Variants in ERVFRD-1 observed in about 807,000 individuals in gnomAD.
ERVFRD-1 encodes the protein endogenous retrovirus group FRD member 1, envelope.
In ERVFRD-1, 33 loss-of-function variants were observed where a neutral mutation model predicts 43.8. The ratio of observed to expected loss-of-function variants is 0.75; its 90% CI spans 0.57 to 1.01. ERVFRD-1 has a LOEUF of 1.01. Ranked by LOEUF, ERVFRD-1 falls within the 50% of genes least tolerant of loss-of-function variation. ERVFRD-1 has a pLI of 0.00. For missense variants in ERVFRD-1, 568 were observed against 658.4 expected, an observed-to-expected ratio of 0.86 and a Z score of 1.50; for synonymous variants, 239 against 244.4, an observed-to-expected ratio of 0.98 and a Z score of 0.21.
In ERVFRD-1 at chr6:11,104,600, A is replaced by G; in HGVS notation, c.711T>C (p.Leu237=). The part of the protein sequence containing the change: ...WVLLDQTRNS[L]FWENKTKGAN... ...CTCCCTTGGTTTTATTTTCCCAAAA[A>G]AGAGAATTTCGAGTTTGGTCCAATA... The change falls in exon 2 of 2, where the codon CTT becomes CTC. Residue 237 remains leucine (L), a synonymous_variant. Coordinates refer to ENST00000472091, the MANE Select transcript of ERVFRD-1 (RefSeq NM_207582.3). 1 of 1,614,104 alleles carries G rather than the reference A, an allele frequency of 6.2e-7. No individual in the cohort carries two copies. Among genetic ancestry groups the G allele is most frequent in the South Asian group, 1.1e-5 (1 of 91,072 alleles).
rs1444416112 is a variant in ERVFRD-1 at position 11,103,579 on chromosome 6, T to A, written c.*115A>T. ...GTGGGTCTTGGCCTCTTGCTAGCTG[T>A]CAGGGCAGGATGGCTCTGTGGATTG... On this transcript the variant is annotated 3_prime_UTR_variant, in exon 2 of 2. Transcript: ENST00000472091. The A allele has an allele frequency of 6.4e-6, 9 of 1,417,318 alleles. No individual in the cohort carries two copies. The highest frequency in any genetic ancestry group is 8.3e-6 in the Non-Finnish European group (9 of 1,081,538). The allele number at this position is 1,417,318 out of a possible 1,614,324, so 87.8% of individuals were successfully genotyped here. A position where few individuals can be genotyped will look rare whatever the true frequency, so the allele number is the denominator to read the frequency against.
chr6:11,104,107 T>C lies in ERVFRD-1; in HGVS notation c.1204A>G (p.Met402Val). ...IDTMAKALTT[M>V]QEQIDSLAAV... Reference sequence around the variant, plus strand: ...GCTAAAGAGTCGATTTGTTCTTGCATGGTCGTTAAGGCTTTAGCCATGGTG... The same window carrying C: ...GCTAAAGAGTCGATTTGTTCTTGCACGGTCGTTAAGGCTTTAGCCATGGTG... Residue 402 changes from methionine (M) to valine (V), a missense_variant, in exon 2 of 2, where the codon ATG becomes GTG. Coordinates refer to ENST00000472091, the MANE Select transcript of ERVFRD-1 (RefSeq NM_207582.3). 6.4e-7 allele frequency: 1 copy of C among 1,551,690 alleles called. No homozygotes were observed. Among genetic ancestry groups the C allele is most frequent in the South Asian group, 1.2e-5 (1 of 84,060 alleles).
chr6:11,108,171 C>T (rs989156004), intron 1 of ERVFRD-1, among the ~76,000 whole-genome samples: 4 of 152,162 alleles, frequency 2.6e-5, no homozygotes, highest in African/African-American at 9.7e-5. Context: ...CGGTTTTCCC[C>T]CAGAGACAGC....
chr6:11,105,604 A>C lies in ERVFRD-1; in HGVS notation c.-294T>G. The C allele has an allele frequency of 5.5e-6, 2 of 363,098 alleles. No homozygotes were observed. Among genetic ancestry groups the C allele is most frequent in the Non-Finnish European group, 1.1e-5 (2 of 188,724 alleles). The allele number at this position is 363,098 out of a possible 1,614,324, so 22.5% of individuals were successfully genotyped here. A position where few individuals can be genotyped will look rare whatever the true frequency, so the allele number is the denominator to read the frequency against. On this transcript the variant is annotated 5_prime_UTR_variant, in exon 2 of 2. Coordinates refer to ENST00000472091, the MANE Select transcript of ERVFRD-1 (RefSeq NM_207582.3). ...AGCTTCACTTGGGTGTGATGGATCT[A>C]GCTGGCAGTCTCCAGTACTGTAATG...
At position 11,102,854 on chromosome 6, in the gene ERVFRD-1, T is replaced by G. The variant is rs1196225024; in HGVS notation, c.*840A>C. ...GGGGAGGCGTAAGGTAGCATGATAG[T>G]CCAAGGCAAGTTTTATAGCAGGAGT... On this transcript the variant is annotated 3_prime_UTR_variant, in exon 2 of 2. Coordinates refer to ENST00000472091, the MANE Select transcript of ERVFRD-1 (RefSeq NM_207582.3). 2.6e-5 allele frequency: 4 copies of G among 152,156 alleles called. No homozygotes were observed. The highest frequency in any genetic ancestry group is 5.9e-5 in the Non-Finnish European group (4 of 68,030). The allele number at this position is 152,156 out of a possible 1,614,324, so 9.4% of individuals were successfully genotyped here. A position where few individuals can be genotyped will look rare whatever the true frequency, so the allele number is the denominator to read the frequency against.
chr6:11,104,704 G>C lies in ERVFRD-1; in HGVS notation c.607C>G (p.Arg203Gly). The change falls in exon 2 of 2, where the codon CGA becomes GGA. Residue 203 changes from arginine to glycine, a missense_variant. Physicochemically the swap from Arg to Gly is moderately radical, Grantham distance 125. Coordinates refer to ENST00000472091, the MANE Select transcript of ERVFRD-1 (RefSeq NM_207582.3). ...CQGRPSSCST[R>G]NFWFRPADYN... is the part of the protein sequence containing the mutation. The stretch of plus-strand genomic sequence containing the variant: ...TCAGCAGGCCGGAACCAGAAGTTTC[G>C]AGTACTGCATGAGCTTGGGCGTCCC... The C allele has an allele frequency of 6.2e-7, 1 of 1,614,206 alleles. No individual in the cohort carries two copies. The highest frequency in any genetic ancestry group is 1.1e-5 in the South Asian group (1 of 91,066).
intron 1 of ERVFRD-1, among the ~76,000 whole-genome samples, chr6:11,108,801 T>G (rs1473857334): frequency 1.3e-5 from 2 of 152,160 alleles, no homozygotes; most frequent in Non-Finnish European, 2.9e-5. Context: ...TCTGGTGTTG[T>G]TTGAGTTAGG....
At chr6:11,108,461 T>A (rs1758120603) in intron 1 of ERVFRD-1, among the ~76,000 whole-genome samples, 1 of 152,196 alleles carries the variant, frequency 6.6e-6, no homozygotes, top group Admixed American at 6.5e-5. Flanking sequence ...GTAGTCCTGT[T>A]TCCCAGTGGC....
intron 1 of ERVFRD-1, among the ~76,000 whole-genome samples, chr6:11,106,141 TTC>T (rs1400205781): frequency 1.3e-5 from 2 of 152,210 alleles, no homozygotes; most frequent in Admixed American, 1.3e-4. Context: ...ACCATTGTCA[TTC>T]TGCAATGACC....
At position 11,104,203 on chromosome 6, in the gene ERVFRD-1, C is replaced by T. The variant is rs1488204097; in HGVS notation, c.1108G>A (p.Gly370Arg). 4.5e-6 allele frequency: 7 copies of T among 1,551,670 alleles called. No individual in the cohort carries two copies. The highest frequency in any genetic ancestry group is 2.7e-5 in the African/African-American group (2 of 73,152). ...GLGILAGTGT[G>R]IAGITKASLT... is the part of the protein sequence containing the mutation. ...GAAGCTTTTGTGATTCCAGCAATTC[C>T]GGTTCCCGTACCAGCTAGAATGCCG... The change falls in exon 2 of 2, where the codon GGA becomes AGA. Residue 370 changes from glycine (G) to arginine (R), a missense_variant. Physicochemically the swap from Gly to Arg is moderately radical, Grantham distance 125. Transcript: ENST00000472091.
At position 11,102,803 on chromosome 6, in the gene ERVFRD-1, C is replaced by T. The variant is rs1758015021; in HGVS notation, c.*891G>A. 1 of 152,164 alleles carries T rather than the reference C, an allele frequency of 6.6e-6. No individual in the cohort carries two copies. Among genetic ancestry groups the T allele is most frequent in the African/African-American group, 2.4e-5 (1 of 41,424 alleles). The allele number at this position is 152,164 out of a possible 1,614,324, so 9.4% of individuals were successfully genotyped here. ...TCTGCAGCAGACTCCATCCTTGCCC[C>T]CCGGAGGAGAGGAGGGAATTTGGCC... On this transcript the variant is annotated 3_prime_UTR_variant, in exon 2 of 2. Coordinates refer to ENST00000472091, the MANE Select transcript of ERVFRD-1 (RefSeq NM_207582.3).
In ERVFRD-1 at chr6:11,105,518, G is replaced by C; in HGVS notation, c.-208C>G. The C allele has an allele frequency of 1.8e-6, 1 of 545,142 alleles. No individual in the cohort carries two copies. Among genetic ancestry groups the C allele is most frequent in the East Asian group, 3.1e-5 (1 of 32,118 alleles). The allele number at this position is 545,142 out of a possible 1,614,324, so 33.8% of individuals were successfully genotyped here. ...GGAATTTTAGATCTTCCAGTGCCTT[G>C]CAAGTGTATTCCGGAGCTGAGGTTG... On this transcript the variant is annotated 5_prime_UTR_variant, in exon 2 of 2. Coordinates refer to ENST00000472091, the MANE Select transcript of ERVFRD-1 (RefSeq NM_207582.3).
chr6:11,111,040 C>T (rs950739408), intron 1 of ERVFRD-1, among the ~76,000 whole-genome samples: 1 of 152,140 alleles, frequency 6.6e-6, no homozygotes, highest in Admixed American at 6.5e-5. Flanking sequence ...GTGTCTATCC[C>T]GGCAGTGAGC....
chr6:11,107,505 G>C (rs961374369), intron 1 of ERVFRD-1, among the ~76,000 whole-genome samples: 1 of 152,212 alleles, frequency 6.6e-6, no homozygotes, highest in Non-Finnish European at 1.5e-5. Flanking sequence ...AATGGGGACT[G>C]TCTCTGAAAC....
At position 11,104,148 on chromosome 6, in the gene ERVFRD-1, A is replaced by AT. The variant is rs1561752433; in HGVS notation, c.1162dup (p.Ile388AsnfsTer6). ...AGCCATGGTGTCAATGTTGTTGGCTATTTCCTTTGAGAGCTGGCTATAGGT... is the reference window on the plus strand; with the variant it reads ...AGCCATGGTGTCAATGTTGTTGGCTATTTTCCTTTGAGAGCTGGCTATAGGT... On this transcript the variant is annotated frameshift_variant, in exon 2 of 2. Coordinates refer to ENST00000472091, the MANE Select transcript of ERVFRD-1 (RefSeq NM_207582.3). LOFTEE classifies it high-confidence loss of function. 6.4e-7 allele frequency: 1 copy of AT among 1,551,630 alleles called. No individual in the cohort carries two copies. Among genetic ancestry groups the AT allele is most frequent in the Admixed American group, 2.0e-5 (1 of 50,992 alleles).
chr6:11,103,775 G>T lies in ERVFRD-1; in HGVS notation c.1536C>A (p.Ser512=). 1 of 1,551,704 alleles carries T rather than the reference G, an allele frequency of 6.4e-7. No homozygotes were observed. Among genetic ancestry groups the T allele is most frequent in the South Asian group, 1.2e-5 (1 of 84,068 alleles). The change falls in exon 2 of 2, where the codon TCC becomes TCA. Residue 512 remains serine (S), a synonymous_variant. Transcript: ENST00000472091. The stretch of plus-strand genomic sequence containing the variant: ...GGAGCTTTATGGCCTGAAGGCGAGA[G>T]GAGACAAATTGGGTTATTAGATTTA... ...CLLNLITQFV[S]SRLQAIKLQT... is the part of the protein sequence containing the mutation.
chr6:11,109,015 T>G (rs1298327159), intron 1 of ERVFRD-1, among the ~76,000 whole-genome samples: 1 of 152,236 alleles, frequency 6.6e-6, no homozygotes, highest in African/African-American at 2.4e-5. Flanking sequence ...ATGTGGGTCC[T>G]TGCTCATGTA....
In ERVFRD-1 at chr6:11,105,179, C is replaced by T. The variant is rs756029701; in HGVS notation, c.132G>A (p.Trp44Ter). 6.2e-7 allele frequency: 1 copy of T among 1,614,158 alleles called. No individual in the cohort carries two copies. The highest frequency in any genetic ancestry group is 8.5e-7 in the Non-Finnish European group (1 of 1,180,016). The change falls in exon 2 of 2, where the codon TGG becomes TGA. Residue 44 changes from tryptophan to a stop codon, truncating the protein, a stop_gained. Coordinates refer to ENST00000472091, the MANE Select transcript of ERVFRD-1 (RefSeq NM_207582.3). LOFTEE classifies it high-confidence loss of function. ...STGSPYSTNC[W>*]LCTSSSTETP... ...TTTCAGTGGAAGAGCTAGTACATAA[C>T]CAGCAATTGGTGGAGTAAGGGGATC...
intron 1 of ERVFRD-1, among the ~76,000 whole-genome samples, chr6:11,110,137 C>G (rs1243482078): frequency 6.6e-6 from 1 of 152,148 alleles, no homozygotes; most frequent in Non-Finnish European, 1.5e-5. Flanking sequence ...AATCCTGTGC[C>G]TATGGCAGAC....
Sources: allele counts gnomAD v4.1 joint callset (sites outside exome capture counted in the v4.1 genomes callset), GRCh38; gene constraint gnomAD v4.1.1; transcripts MANE v1.5; gene names NCBI Gene and HGNC (gene_info 2026-07-23, HGNC 2026-07-21).